The following DACH1 variants were observed in gnomAD, a reference collection of about 807,000 sequenced individuals.
DACH1 encodes dachshund family transcription factor 1.
DACH1 carries 12 observed loss-of-function variants against 54.2 expected under a neutral mutation model. The ratio of observed to expected loss-of-function variants is 0.22; its 90% CI spans 0.14 to 0.36. The LOEUF is 0.36. DACH1 is among the 10% of genes least tolerant of loss of function. The pLI, the probability that DACH1 is intolerant of heterozygous loss-of-function variation, is 1.00. For missense variants in DACH1, 805 were observed against 929.8 expected, an observed-to-expected ratio of 0.87 and a Z score of 1.75; for synonymous variants, 386 against 366.2, an observed-to-expected ratio of 1.05 and a Z score of -0.62.
intron 1 of DACH1, among the ~76,000 whole-genome samples, chr13:71,717,600 G>GT (rs950429243): frequency 4.0e-5 from 6 of 150,362 alleles, no homozygotes; most frequent in African/African-American, 1.2e-4. Context: ...ACATTTTTAT[G>GT]TTTTTTCGTT....
At chr13:71,484,502 G>A (rs552893538) in intron 7 of DACH1, among the ~76,000 whole-genome samples, 1 of 151,976 alleles carries the variant, frequency 6.6e-6, no homozygotes, top group Non-Finnish European at 1.5e-5. Flanking sequence ...ATATGTTTTA[G>A]GTCTTTCTTG....
intron 10 of DACH1, among the ~76,000 whole-genome samples, chr13:71,458,407 A>AGTT (rs1321621893): frequency 2.6e-5 from 4 of 151,994 alleles, no homozygotes; most frequent in African/African-American, 9.6e-5. Flanking sequence ...GTACTCTGAC[A>AGTT]GTTGCCTGTA....
chr13:71,830,654 G>A (rs1016959949), intron 1 of DACH1, among the ~76,000 whole-genome samples: 8 of 151,840 alleles, frequency 5.3e-5, no homozygotes, highest in African/African-American at 1.9e-4. Context: ...TCCCTTTCAC[G>A]TTCATCTCTG....
chr13:71,815,833 C>G lies in DACH1; in HGVS notation c.848+50089G>C, dbSNP rs375868689. Among the ~76,000 whole-genome samples the G allele has an allele frequency of 1.8e-4, 28 of 152,252 alleles. 2 individuals are homozygous for G. Among genetic ancestry groups the G allele is most frequent in the East Asian group, 1.4e-3 (7 of 5,150 alleles). On this transcript the variant is annotated intron_variant, in intron 1 of 10. Coordinates refer to ENST00000613252, the MANE Select transcript of DACH1 (RefSeq NM_080759.6). ...GGGCGCGGTGGCTCACGCCTGTAAT[C>G]CCAGCACTTTGGGAGGCCGAGGCGG...
At chr13:71,577,550 A>G (rs1019573308) in intron 3 of DACH1, among the ~76,000 whole-genome samples, 2 of 152,222 alleles carry the variant, frequency 1.3e-5, no homozygotes, top group Non-Finnish European at 2.9e-5. Context: ...TTCAGTTGCT[A>G]TAATAAGCAC....
chr13:71,593,503 C>T (rs987831881), intron 3 of DACH1, among the ~76,000 whole-genome samples: 5 of 152,006 alleles, frequency 3.3e-5, no homozygotes, highest in Non-Finnish European at 5.9e-5. Flanking sequence ...AATAATACTC[C>T]CAGTGGCATT....
intron 1 of DACH1, among the ~76,000 whole-genome samples, chr13:71,756,001 A>G (rs1163137412): frequency 6.6e-6 from 1 of 152,118 alleles, no homozygotes; most frequent in Admixed American, 6.5e-5. Flanking sequence ...TTTAAATTTA[A>G]AGACTAAAAT....
At chr13:71,611,577 G>C (rs572062139) in intron 3 of DACH1, among the ~76,000 whole-genome samples, 1 of 152,150 alleles carries the variant, frequency 6.6e-6, no homozygotes. Context: ...AGCTGTGTTA[G>C]AAAATGTTTG....
At chr13:71,541,033 T>A (rs905658774) in intron 6 of DACH1, among the ~76,000 whole-genome samples, 1 of 151,970 alleles carries the variant, frequency 6.6e-6, no homozygotes, top group Non-Finnish European at 1.5e-5. Flanking sequence ...CATAGCACTT[T>A]TTCTCAAGTA....
intron 1 of DACH1, among the ~76,000 whole-genome samples, chr13:71,727,213 C>A (rs947737829): frequency 6.6e-6 from 1 of 152,042 alleles, no homozygotes; most frequent in Non-Finnish European, 1.5e-5. Context: ...TTTATGGATT[C>A]TCATTTGCAT....
At chr13:71,844,480 T>C (rs1873091129) in intron 1 of DACH1, among the ~76,000 whole-genome samples, 1 of 152,210 alleles carries the variant, frequency 6.6e-6, no homozygotes, top group Non-Finnish European at 1.5e-5. Flanking sequence ...GGGGAGGCAT[T>C]GCTAAATATT....
At chr13:71,583,092 G>A (rs1465424119) in intron 3 of DACH1, among the ~76,000 whole-genome samples, 1 of 152,062 alleles carries the variant, frequency 6.6e-6, no homozygotes, top group East Asian at 1.9e-4. Flanking sequence ...CAAATATAAA[G>A]TAAAATTTAA....
At chr13:71,655,077 T>C (rs2138634803) in intron 2 of DACH1, among the ~76,000 whole-genome samples, 1 of 152,314 alleles carries the variant, frequency 6.6e-6, no homozygotes, top group Non-Finnish European at 1.5e-5. Context: ...TCCAGATTGC[T>C]CATTTGAAAT....
At chr13:71,605,311 A>G (rs980922669) in intron 3 of DACH1, among the ~76,000 whole-genome samples, 6 of 151,834 alleles carry the variant, frequency 4.0e-5, no homozygotes, top group Non-Finnish European at 7.4e-5. Context: ...CTTAGCTTGA[A>G]CGATACAACT....
intron 4 of DACH1, among the ~76,000 whole-genome samples, chr13:71,566,194 T>G (rs558744921): frequency 6.6e-6 from 1 of 152,312 alleles, no homozygotes; most frequent in South Asian, 2.1e-4. Flanking sequence ...GAGCCTCTCA[T>G]CTGCAGTTCC....
At chr13:71,640,559 T>TGA (rs1843155807) in intron 2 of DACH1, among the ~76,000 whole-genome samples, 3 of 152,176 alleles carry the variant, frequency 2.0e-5, no homozygotes, top group African/African-American at 7.2e-5. Context: ...TGACATGCCT[T>TGA]GACTCTAATT....
intron 4 of DACH1, among the ~76,000 whole-genome samples, chr13:71,560,938 A>C (rs1884544883): frequency 6.6e-6 from 1 of 152,208 alleles, no homozygotes. Context: ...TAATGTACTT[A>C]TAAATAATTA....
intron 6 of DACH1, among the ~76,000 whole-genome samples, chr13:71,508,040 T>C (rs1280092333): frequency 1.3e-5 from 2 of 152,172 alleles, no homozygotes; most frequent in Non-Finnish European, 1.5e-5. Context: ...CAAATCCTAG[T>C]CATTGCACTC....
At chr13:71,674,228 T>C (rs74096993) in intron 2 of DACH1, among the ~76,000 whole-genome samples, 1,779 of 152,260 alleles carry the variant, frequency 0.012, 34 homozygotes, top group African/African-American at 0.039. Context: ...ATACTTAGCC[T>C]AGTGACTTGC....
Sources: gnomAD v4.1 joint callset for allele counts (sites outside exome capture counted in the v4.1 genomes callset) on GRCh38, gnomAD v4.1.1 for gene constraint, MANE v1.5 for transcripts, NCBI Gene and HGNC (gene_info 2026-07-23, HGNC 2026-07-21) for gene names.